Variants in EBF3 observed in about 807,000 individuals in gnomAD.
EBF3 encodes the protein transcription factor COE3.
EBF3 carries 18 observed loss-of-function variants against 77.1 expected under a neutral mutation model. The observed-to-expected ratio is 0.23, with a 90% CI of 0.16 to 0.35. The LOEUF (loss-of-function observed/expected upper bound fraction) is 0.35. Among genes scored for constraint, EBF3 ranks in the 10% least tolerant of loss-of-function variants. The pLI, the probability that EBF3 is intolerant of heterozygous loss-of-function variation, is 1.00. For synonymous variants in EBF3, 350 were observed against 343.5 expected (o/e 1.02, Z -0.21); for missense variants, 558 against 860.0 (o/e 0.65, Z 4.39).
chr10:129,840,714 G>T (rs1050163838), intron 14 of EBF3, 130 bp downstream of exon 14: 3 of 1,348,126 alleles, frequency 2.2e-6, no homozygotes, highest in Admixed American at 4.9e-5. Flanking sequence ...CCATTTGGAC[G>T]CCCAGCCTCC....
In EBF3 at chr10:129,885,883, T is replaced by G. The variant is rs900684047; in HGVS notation, c.555-8034A>C. On this transcript the variant is annotated intron_variant, in intron 6 of 16. Coordinates refer to ENST00000440978, the MANE Select transcript of EBF3 (RefSeq NM_001375380.1). This position sits in a 1 kb window ranked among gnomAD's most constrained non-coding sequence, Gnocchi z 4.0. Reference sequence around the variant, plus strand: ...ATTAAGTGCCTATGCTTATCCCAACTTAGGGTTTCAAGCCTCTCCCACCAT... The same window carrying G: ...ATTAAGTGCCTATGCTTATCCCAACGTAGGGTTTCAAGCCTCTCCCACCAT... 2.4e-4 allele frequency among the ~76,000 whole-genome samples: 37 copies of G among 152,174 alleles called. No individual in the cohort carries two copies. Among genetic ancestry groups the G allele is most frequent in the African/African-American group, 8.9e-4 (37 of 41,448 alleles).
At chr10:129,871,628 C>T (rs991644933) in intron 8 of EBF3, among the ~76,000 whole-genome samples, 1 of 152,174 alleles carries the variant, frequency 6.6e-6, no homozygotes, top group Non-Finnish European at 1.5e-5. Context: ...CAAATATGCG[C>T]AGACTTAAAA....
intron 8 of EBF3, among the ~76,000 whole-genome samples, chr10:129,871,773 T>C (rs1322077190): frequency 1.3e-5 from 2 of 152,218 alleles, no homozygotes; most frequent in Non-Finnish European, 2.9e-5. Flanking sequence ...AATGCCTTTT[T>C]CTTAACGATC....
In EBF3 at chr10:129,837,870, C is replaced by G; in HGVS notation, c.*73G>C. 3 of 1,606,580 alleles carry G rather than the reference C, an allele frequency of 1.9e-6. No individual in the cohort carries two copies. The highest frequency in any genetic ancestry group is 2.6e-6 in the Non-Finnish European group (3 of 1,173,444). On this transcript the variant is annotated 3_prime_UTR_variant, in exon 17 of 17. Transcript: ENST00000440978. ...CATCAGCATGTCTTAATATACTAAACGTGTCCCCTGAAGTCCGTCCTTTGA... is the reference window on the plus strand; with the variant it reads ...CATCAGCATGTCTTAATATACTAAAGGTGTCCCCTGAAGTCCGTCCTTTGA...
At chr10:129,921,012 C>A (rs1195527898) in intron 6 of EBF3, among the ~76,000 whole-genome samples, 4 of 152,146 alleles carry the variant, frequency 2.6e-5, no homozygotes, top group African/African-American at 9.7e-5. Flanking sequence ...GGAGGGGTAG[C>A]CTGGAAGAAG....
chr10:129,889,342 G>A (rs1475123997), intron 6 of EBF3, among the ~76,000 whole-genome samples: 3 of 152,250 alleles, frequency 2.0e-5, no homozygotes, highest in Admixed American at 6.5e-5. Flanking sequence ...GGGCTTCTCG[G>A]ACGGGCCTCA....
At chr10:129,878,930 G>T (rs188739584) in intron 6 of EBF3, among the ~76,000 whole-genome samples, 376 of 151,848 alleles carry the variant, frequency 2.5e-3, no homozygotes, top group African/African-American at 8.6e-3. Flanking sequence ...AGAAAGCAAG[G>T]AACAGCACTC....
chr10:129,911,569 A>T (rs2134295372), intron 6 of EBF3, among the ~76,000 whole-genome samples: 1 of 152,290 alleles, frequency 6.6e-6, no homozygotes, highest in East Asian at 1.9e-4. Context: ...AAGAAAAGGC[A>T]TCCACCTGCC....
Position 129,848,268 on chromosome 10 carries a change from G to T in EBF3, c.1128+124C>A. On this transcript the variant is annotated intron_variant, in intron 11 of 16. Coordinates refer to ENST00000440978, the MANE Select transcript of EBF3 (RefSeq NM_001375380.1). This position sits in a 1 kb window ranked among gnomAD's most constrained non-coding sequence, Gnocchi z 4.4. Reference sequence around the variant, plus strand: ...GCAGCTCCTCACACCTGTCGGCCCTGTGGTGGGCACAGAGTTTGGGGAATC... The same window carrying T: ...GCAGCTCCTCACACCTGTCGGCCCTTTGGTGGGCACAGAGTTTGGGGAATC... The T allele has an allele frequency of 9.7e-7, 1 of 1,034,656 alleles. No individual in the cohort carries two copies. Among genetic ancestry groups the T allele is most frequent in the Non-Finnish European group, 1.5e-6 (1 of 664,518 alleles). 64.1% of individuals were successfully genotyped at this position (1,034,656 alleles called of 1,614,324 possible).
chr10:129,959,041 CGGCGCCCGCGGCTTTGGCG>C, intron 4 of EBF3, 34 bp from the exon 5 acceptor site: 4 of 1,595,864 alleles, frequency 2.5e-6, no homozygotes, highest in Non-Finnish European at 2.6e-6. Flanking sequence ...TGGGGTTACG[CGGCGCCCGCGGCTTTGGCG>C]CCAAATCGCC....
chr10:129,956,007 G>A (rs1859009199), intron 6 of EBF3, among the ~76,000 whole-genome samples: 1 of 152,232 alleles, frequency 6.6e-6, no homozygotes, highest in African/African-American at 2.4e-5. Flanking sequence ...CATAGTTCGA[G>A]TTCTATAAAG....
chr10:129,960,500 G>A (rs1327845053), intron 4 of EBF3, among the ~76,000 whole-genome samples: 4 of 152,210 alleles, frequency 2.6e-5, no homozygotes, highest in African/African-American at 7.2e-5. Context: ...CTGAGAGAGT[G>A]GCTTGTCCTC....
chr10:129,902,230 AT>A (rs34324443), intron 6 of EBF3, among the ~76,000 whole-genome samples: 20,803 of 142,138 alleles, frequency 0.15, 1,758 homozygotes, highest in Admixed American at 0.28. Flanking sequence ...ACTTCCAGAC[AT>A]TTTTTTTTTT....
At position 129,836,121 on chromosome 10, in the gene EBF3, T is replaced by C. The variant is rs932803856; in HGVS notation, c.*1822A>G. 1 of 152,610 alleles carries C rather than the reference T, an allele frequency of 6.6e-6. No homozygotes were observed. The highest frequency in any genetic ancestry group is 1.5e-5 in the Non-Finnish European group (1 of 68,046). The allele number at this position is 152,610 out of a possible 1,614,324, so 9.5% of individuals were successfully genotyped here. ...GGTCATGCAGCGGGCTTGTGCTTTT[T>C]TGTGTGTGTTTGTGTGTTTTACACC... is the stretch of plus-strand genomic sequence containing the variant. On this transcript the variant is annotated 3_prime_UTR_variant, in exon 17 of 17. Transcript: ENST00000440978.
chr10:129,859,388 A>G (rs1029443053), intron 10 of EBF3, among the ~76,000 whole-genome samples: 1 of 151,648 alleles, frequency 6.6e-6, no homozygotes, highest in African/African-American at 2.4e-5. Context: ...CACCTGGCTA[A>G]TTTTTTTTGT....
chr10:129,925,982 C>T (rs564490804), intron 6 of EBF3, among the ~76,000 whole-genome samples: 33 of 152,238 alleles, frequency 2.2e-4, no homozygotes, highest in African/African-American at 7.2e-4. Flanking sequence ...GCATTAATAG[C>T]CCTGATACCT....
intron 10 of EBF3, among the ~76,000 whole-genome samples, chr10:129,858,468 T>G (rs1487311599): frequency 2.0e-5 from 3 of 152,156 alleles, no homozygotes; most frequent in African/African-American, 4.8e-5. Context: ...AGGCCTAAGC[T>G]TGGGTGGGAT....
At chr10:129,955,501 T>G (rs1045041603) in intron 6 of EBF3, among the ~76,000 whole-genome samples, 1 of 152,242 alleles carries the variant, frequency 6.6e-6, no homozygotes, top group Non-Finnish European at 1.5e-5. Context: ...ATGAGTAATC[T>G]TAGCACATAT....
intron 7 of EBF3, among the ~76,000 whole-genome samples, chr10:129,874,320 C>T (rs1221478097): frequency 1.3e-5 from 2 of 152,060 alleles, no homozygotes; most frequent in Admixed American, 6.5e-5. Flanking sequence ...CAAAGGATGT[C>T]GAGGGGAGAG....
Sources: gnomAD v4.1 joint callset for allele counts (sites outside exome capture counted in the v4.1 genomes callset) on GRCh38, gnomAD v4.1.1 for gene constraint, Gnocchi (gnomAD v3.1) non-coding constraint, MANE v1.5 for transcripts, NCBI Gene and HGNC (gene_info 2026-07-23, HGNC 2026-07-21) for gene names.